Variants in MEMO1 observed in about 807,000 individuals in gnomAD.
The protein encoded by MEMO1 is protein MEMO1.
Under a neutral mutation model 45.2 loss-of-function variants are expected in MEMO1, and 6 were observed. The ratio of observed to expected loss-of-function variants is 0.13; its 90% CI spans 0.07 to 0.26. The LOEUF (loss-of-function observed/expected upper bound fraction) is 0.26, where lower values mean the gene tolerates loss of function less well. Ranked by LOEUF, MEMO1 falls within the 10% of genes least tolerant of loss-of-function variation. The pLI, the probability that MEMO1 is intolerant of heterozygous loss-of-function variation, is 1.00. For missense variants in MEMO1, 184 were observed against 370.5 expected (o/e 0.50, Z 4.13); for synonymous variants, 78 against 124.3 (o/e 0.63, Z 2.48).
At chr2:31,891,782 G>A (rs1677022186) in intron 7 of MEMO1, among the ~76,000 whole-genome samples, 1 of 152,054 alleles carries the variant, frequency 6.6e-6, no homozygotes, top group African/African-American at 2.4e-5. Context: ...TATACCAGTC[G>A]CCTTTGGAAA....
chr2:31,956,674 G>A (rs75145287), intron 2 of MEMO1, among the ~76,000 whole-genome samples: 24 of 152,128 alleles, frequency 1.6e-4, no homozygotes, highest in African/African-American at 4.6e-4. Context: ...TTAAGCAACC[G>A]GAAAACAATG....
At chr2:31,925,065 C>A (rs1416014045) in intron 4 of MEMO1, among the ~76,000 whole-genome samples, 1 of 152,178 alleles carries the variant, frequency 6.6e-6, no homozygotes, top group African/African-American at 2.4e-5. Context: ...CCACCTTGAT[C>A]ATAATACCTG....
At chr2:31,929,724 G>C (rs1159057765) in intron 4 of MEMO1, among the ~76,000 whole-genome samples, 2 of 152,130 alleles carry the variant, frequency 1.3e-5, no homozygotes, top group South Asian at 2.1e-4. Flanking sequence ...GATGATCCTG[G>C]CTGAAATATA....
chr2:31,914,402 CAAAAT>C (rs1399717753), intron 6 of MEMO1, among the ~76,000 whole-genome samples: 5 of 152,074 alleles, frequency 3.3e-5, no homozygotes, highest in African/African-American at 1.2e-4. Flanking sequence ...GGATACAAAA[CAAAAT>C]GAGTAAGAAC....
At chr2:31,932,902 T>G (rs1259746671) in intron 3 of MEMO1, among the ~76,000 whole-genome samples, 3 of 152,166 alleles carry the variant, frequency 2.0e-5, no homozygotes, top group African/African-American at 4.8e-5. Flanking sequence ...CTCTCCATAC[T>G]ATTTTTCCCT....
chr2:31,974,090 G>A (rs779233438), intron 2 of MEMO1, among the ~76,000 whole-genome samples: 1 of 151,868 alleles, frequency 6.6e-6, no homozygotes, highest in Non-Finnish European at 1.5e-5. Context: ...TTTCTCGCTC[G>A]CTCCCTCCCT....
chr2:31,878,497 T>C (rs555394333), intron 8 of MEMO1, among the ~76,000 whole-genome samples: 1 of 152,096 alleles, frequency 6.6e-6, no homozygotes, highest in African/African-American at 2.4e-5. Flanking sequence ...CCACCATCAT[T>C]TGAATTAAGA....
At chr2:31,950,157 G>A (rs1377023167) in intron 2 of MEMO1, among the ~76,000 whole-genome samples, 1 of 152,106 alleles carries the variant, frequency 6.6e-6, no homozygotes, top group Non-Finnish European at 1.5e-5. Context: ...ACGGCAGATG[G>A]ATCACCTGAG....
At chr2:31,982,924 G>C (rs1291920760) in intron 2 of MEMO1, among the ~76,000 whole-genome samples, 1 of 151,926 alleles carries the variant, frequency 6.6e-6, no homozygotes, top group African/African-American at 2.4e-5. Flanking sequence ...TTGGAGAAAT[G>C]AGTACAAACT....
At chr2:31,969,104 T>C (rs531702338) in intron 2 of MEMO1, among the ~76,000 whole-genome samples, 1 of 151,922 alleles carries the variant, frequency 6.6e-6, no homozygotes, top group African/African-American at 2.4e-5. Context: ...GTCTATTCCA[T>C]ACACAGGAAA....
At chr2:31,970,278 G>A (rs551381720) in intron 2 of MEMO1, among the ~76,000 whole-genome samples, 7 of 151,952 alleles carry the variant, frequency 4.6e-5, no homozygotes, top group African/African-American at 7.2e-5. Context: ...CCTCTCTTTC[G>A]TAATTTTCAG....
intron 3 of MEMO1, among the ~76,000 whole-genome samples, chr2:31,933,346 A>ATATATATATATATATAT (rs869211483): frequency 3.9e-5 from 1 of 25,508 alleles, no homozygotes; most frequent in African/African-American, 1.6e-4. Flanking sequence ...AAAAAAAAAA[A>ATATATATATATATATAT]AAATTTATAT....
At chr2:32,008,818 G>A (rs1478290002) in intron 2 of MEMO1, among the ~76,000 whole-genome samples, 2 of 152,170 alleles carry the variant, frequency 1.3e-5, no homozygotes, top group African/African-American at 4.8e-5. Flanking sequence ...CCCTAACACA[G>A]AAAATCTTCA....
At chr2:31,926,882 CAAAAA>C (rs143223057) in intron 4 of MEMO1, among the ~76,000 whole-genome samples, 11,705 of 151,704 alleles carry the variant, frequency 0.077, 504 homozygotes, top group Middle Eastern at 0.14. Flanking sequence ...CAAAACAAAA[CAAAAA>C]GTGATTTTTT....
intron 6 of MEMO1, among the ~76,000 whole-genome samples, chr2:31,892,487 C>T (rs1358016651): frequency 6.6e-6 from 1 of 152,170 alleles, no homozygotes; most frequent in Non-Finnish European, 1.5e-5. Flanking sequence ...CTTATCAAGG[C>T]TACAGTCATC....
intron 4 of MEMO1, among the ~76,000 whole-genome samples, chr2:31,927,753 T>G (rs1351084826): frequency 1.3e-5 from 2 of 152,036 alleles, no homozygotes; most frequent in Admixed American, 6.5e-5. Flanking sequence ...ATTTGTTTAC[T>G]TTTTTAAATA....
At chr2:31,929,185 T>G (rs888361741) in intron 4 of MEMO1, among the ~76,000 whole-genome samples, 1 of 152,178 alleles carries the variant, frequency 6.6e-6, no homozygotes, top group African/African-American at 2.4e-5. Context: ...TCCATTTTTT[T>G]GAAAAATAAA....
intron 2 of MEMO1, among the ~76,000 whole-genome samples, chr2:31,955,283 G>C (rs562646255): frequency 1.3e-5 from 2 of 152,156 alleles, no homozygotes; most frequent in Non-Finnish European, 2.9e-5. Context: ...AGTGAATGCA[G>C]CTAACAGACT....
At chr2:31,948,839 A>G (rs2148347557) in intron 2 of MEMO1, among the ~76,000 whole-genome samples, 1 of 152,332 alleles carries the variant, frequency 6.6e-6, no homozygotes, top group Non-Finnish European at 1.5e-5. Context: ...TTTAAACTGA[A>G]TAAATTAACC....
Sources: gnomAD v4.1 joint callset for allele counts (sites outside exome capture counted in the v4.1 genomes callset) on GRCh38, gnomAD v4.1.1 for gene constraint, MANE v1.5 for transcripts, NCBI Gene and HGNC (gene_info 2026-07-23, HGNC 2026-07-21) for gene names.